SEMA3A: variants seen among roughly 807,000 people sequenced by gnomAD.
SEMA3A encodes semaphorin 3A.
Under a neutral mutation model 97.9 loss-of-function variants are expected in SEMA3A, and 29 were observed. The ratio of observed to expected loss-of-function variants is 0.30; its 90% CI spans 0.22 to 0.40. The LOEUF is 0.40. Ranked by LOEUF, SEMA3A falls within the 10% of genes least tolerant of loss-of-function variation. The pLI, the probability that SEMA3A is intolerant of heterozygous loss-of-function variation, is 1.00. For missense variants in SEMA3A, 763 were observed against 951.3 expected, an observed-to-expected ratio of 0.80 and a Z score of 2.60; for synonymous variants, 321 against 323.7, an observed-to-expected ratio of 0.99 and a Z score of 0.09.
chr7:83,964,917 A>G (rs1406360280), intron 15 of SEMA3A, among the ~76,000 whole-genome samples: 2 of 151,984 alleles, frequency 1.3e-5, no homozygotes, highest in Non-Finnish European at 2.9e-5. Context: ...ATGTTGCTAT[A>G]CTCATTTGTA....
intron 3 of SEMA3A, among the ~76,000 whole-genome samples, chr7:84,117,538 G>A (rs192746720): frequency 4.6e-5 from 7 of 152,296 alleles, no homozygotes; most frequent in Non-Finnish European, 7.3e-5. Context: ...CCTGAGCTCC[G>A]CCTTCTGTCT....
chr7:84,048,962 A>AT (rs901675552), intron 5 of SEMA3A, among the ~76,000 whole-genome samples: 1 of 152,220 alleles, frequency 6.6e-6, no homozygotes, highest in African/African-American at 2.4e-5. Context: ...GTTTTATAAC[A>AT]TTTTTTATCC....
At chr7:84,446,829 G>A (rs1179424752) in intron 1 of SEMA3A, among the ~76,000 whole-genome samples, 1 of 152,118 alleles carries the variant, frequency 6.6e-6, no homozygotes, top group Non-Finnish European at 1.5e-5. Context: ...AGTGGGGGAG[G>A]CACAGCCAGG....
intron 4 of SEMA3A, among the ~76,000 whole-genome samples, chr7:84,109,489 C>A (rs182576300): frequency 6.6e-6 from 1 of 152,130 alleles, no homozygotes; most frequent in Admixed American, 6.5e-5. Context: ...TGCTTTCTTA[C>A]ACAAAGAAGA....
Position 84,329,195 on chromosome 7 carries a change from T to C in SEMA3A, c.-168-21903A>G, listed in dbSNP as rs372772972. ...TGACATTTTGGCAGAGGTAACATTA[T>C]GTATAAAGGCATGAAGGCAGTAAAA... On this transcript the variant is annotated intron_variant, in intron 2 of 3. Transcript: ENST00000424555. Among the ~76,000 whole-genome samples, 7 of 152,052 alleles carry C rather than the reference T, an allele frequency of 4.6e-5. No homozygotes were observed. In the East Asian group the frequency reaches 1.2e-3, roughly 25 times the overall value.
intron 3 of SEMA3A, among the ~76,000 whole-genome samples, chr7:84,234,326 C>T (rs535449409): frequency 6.6e-6 from 1 of 152,234 alleles, no homozygotes; most frequent in Admixed American, 6.6e-5. Context: ...AACCCTTCCA[C>T]ACTCATGCTC....
Position 84,067,450 on chromosome 7 carries a change from C to T in SEMA3A, c.454-6892G>A, listed in dbSNP as rs373340055. Among the ~76,000 whole-genome samples the T allele has an allele frequency of 1.3e-3, 192 of 151,806 alleles. 1 individual carries two copies. In the East Asian group the frequency reaches 0.014, roughly 11 times the overall value. On this transcript the variant is annotated intron_variant, in intron 4 of 16. Coordinates refer to ENST00000265362, the MANE Select transcript of SEMA3A (RefSeq NM_006080.3). The stretch of plus-strand genomic sequence containing the variant: ...ATCTAATTAAACTAAAGAGCTTCTG[C>T]ACAGCAAAAGAAACTACCATCAGAG...
At chr7:84,221,986 T>C (rs1283668052) in intron 3 of SEMA3A, among the ~76,000 whole-genome samples, 1 of 151,848 alleles carries the variant, frequency 6.6e-6, no homozygotes, top group Non-Finnish European at 1.5e-5. Context: ...TGAAGCATAA[T>C]AAAACAAGAT....
chr7:83,977,573 A>AT (rs897306656), intron 14 of SEMA3A, among the ~76,000 whole-genome samples: 37 of 151,744 alleles, frequency 2.4e-4, no homozygotes, highest in African/African-American at 8.2e-4. Context: ...ATAATAATCC[A>AT]TTTTTTTCAA....
chr7:83,980,459 G>C (rs924344389), intron 14 of SEMA3A, among the ~76,000 whole-genome samples: 1 of 151,152 alleles, frequency 6.6e-6, no homozygotes, highest in Non-Finnish European at 1.5e-5. Context: ...ACAAAAATTA[G>C]CTGGGCATGG....
intron 6 of SEMA3A, among the ~76,000 whole-genome samples, chr7:84,028,330 G>A (rs923590201): frequency 6.6e-6 from 1 of 151,972 alleles, no homozygotes; most frequent in Non-Finnish European, 1.5e-5. Context: ...TGAATATGAG[G>A]ACTAAGGCAA....
At chr7:84,055,588 A>G (rs1040393589) in intron 5 of SEMA3A, among the ~76,000 whole-genome samples, 2 of 152,036 alleles carry the variant, frequency 1.3e-5, no homozygotes, top group Admixed American at 6.5e-5. Context: ...GCACCCACTG[A>G]CCTGCGCCCA....
At chr7:84,389,205 A>G (rs1384591725) in intron 1 of SEMA3A, among the ~76,000 whole-genome samples, 2 of 152,074 alleles carry the variant, frequency 1.3e-5, no homozygotes, top group Non-Finnish European at 2.9e-5. Context: ...ATAAAAATGG[A>G]GTCAAAGTTT....
intron 1 of SEMA3A, among the ~76,000 whole-genome samples, chr7:84,383,967 G>A (rs945965665): frequency 1.3e-5 from 2 of 152,184 alleles, no homozygotes; most frequent in Non-Finnish European, 2.9e-5. Flanking sequence ...GCCTCACAGA[G>A]ATTTGGCTAA....
intron 1 of SEMA3A, among the ~76,000 whole-genome samples, chr7:84,392,275 T>C (rs1330576430): frequency 6.6e-6 from 1 of 152,172 alleles, no homozygotes; most frequent in African/African-American, 2.4e-5. Context: ...TCTCCTTTCA[T>C]GAATTTAATT....
intron 1 of SEMA3A, among the ~76,000 whole-genome samples, chr7:84,419,968 C>T (rs763135757): frequency 2.0e-5 from 3 of 152,190 alleles, no homozygotes; most frequent in South Asian, 2.1e-4. Context: ...GCTGAACACA[C>T]GCTAAAGGAA....
At chr7:84,364,839 A>C (rs1802806306) in intron 2 of SEMA3A, among the ~76,000 whole-genome samples, 1 of 139,676 alleles carries the variant, frequency 7.2e-6, no homozygotes, top group African/African-American at 2.8e-5. Flanking sequence ...GAGAAAAAAG[A>C]ACAAGAGAAA....
At position 84,272,370 on chromosome 7, in the gene SEMA3A, A is replaced by T. The variant is rs562275078; in HGVS notation, c.-83+34837T>A. Among the ~76,000 whole-genome samples the T allele has an allele frequency of 5.9e-5, 9 of 152,166 alleles. No homozygotes were observed. In the East Asian group the frequency reaches 1.5e-3, roughly 26 times the overall value. ...TCTCTAATAGGTTATTAACCCAATAATTATTTATTTATTGTTACATAATGG... is the reference window on the plus strand; with the variant it reads ...TCTCTAATAGGTTATTAACCCAATATTTATTTATTTATTGTTACATAATGG... On this transcript the variant is annotated intron_variant, in intron 3 of 3. Transcript: ENST00000424555.
In SEMA3A at chr7:84,088,252, G is replaced by A. The variant is rs995209985; in HGVS notation, c.453+22218C>T. 7.2e-5 allele frequency among the ~76,000 whole-genome samples: 11 copies of A among 151,934 alleles called. No homozygotes were observed. In the East Asian group the frequency reaches 1.2e-3, roughly 16 times the overall value. ...GGGTGGATCACAAGGTCGGGAGATC[G>A]AGACCATCCTGGCTAACACGGTGAA... On this transcript the variant is annotated intron_variant, in intron 4 of 16. Coordinates refer to ENST00000265362, the MANE Select transcript of SEMA3A (RefSeq NM_006080.3).
Sources: allele counts gnomAD v4.1 joint callset (sites outside exome capture counted in the v4.1 genomes callset), GRCh38; gene constraint gnomAD v4.1.1; transcripts MANE v1.5; gene names NCBI Gene and HGNC (gene_info 2026-07-23, HGNC 2026-07-21).